Variants in EIF4G1 observed in about 807,000 individuals in gnomAD.
EIF4G1 encodes eukaryotic translation initiation factor 4 gamma 1.
EIF4G1 carries 4 observed loss-of-function variants against 187.8 expected under a neutral mutation model. The ratio of observed to expected loss-of-function variants is 0.02; its 90% CI spans 0.01 to 0.05. The LOEUF is 0.05. EIF4G1 is among the 10% of genes least tolerant of loss of function. EIF4G1 has a pLI of 1.00. For missense variants in EIF4G1, 1,647 were observed against 2,081.1 expected (o/e 0.79, Z 4.06); for synonymous variants, 844 against 781.4 (o/e 1.08, Z -1.34).
chr3:184,325,391 C>G lies in EIF4G1; in HGVS notation c.2961+18C>G. The G allele has an allele frequency of 2.5e-6, 4 of 1,614,130 alleles. No homozygotes were observed. Among genetic ancestry groups the G allele is most frequent in the Non-Finnish European group, 3.4e-6 (4 of 1,179,986 alleles). ...TGCGAGGGGTGTGTGTCCCCCTCCT[C>G]CCCACTGCCAGCCTGCTGCCTCCAG... On this transcript the variant is annotated intron_variant, in intron 19 of 32. Transcript: ENST00000346169. The surrounding 1 kb of genome is among the most constrained non-coding windows in gnomAD (Gnocchi z 5.2).
chr3:184,331,771 G>A lies in EIF4G1; in HGVS notation c.4439G>A (p.Arg1480Gln), dbSNP rs114320039. The A allele has an allele frequency of 5.0e-6, 8 of 1,614,158 alleles. No homozygotes were observed. The highest frequency in any genetic ancestry group is 1.7e-5 in the Admixed American group (1 of 60,030). Reference protein sequence around the residue: ...EQQIVSNTLVRALMTAVCYSA... With the variant: ...EQQIVSNTLVQALMTAVCYSA... ...CAGATAGTATCCAACACGTTAGTTC[G>A]AGCCCTCATGACGGCTGTCTGCTAT... The change falls in exon 31 of 33, where the codon CGA becomes CAA. Residue 1480 changes from arginine (R) to glutamine (Q), a missense_variant. Coordinates refer to ENST00000346169, the MANE Select transcript of EIF4G1 (RefSeq NM_198241.3).
In EIF4G1 at chr3:184,323,325, G is replaced by T; in HGVS notation, c.2089-83G>T. The T allele has an allele frequency of 6.2e-7, 1 of 1,611,568 alleles. No homozygotes were observed. Among genetic ancestry groups the T allele is most frequent in the Admixed American group, 1.7e-5 (1 of 59,926 alleles). ...TCTCAGTGCCCGCGGGGAGGGGTTTGCCCTGGAGGCGTGTAGTAGTGGTGT... is the reference window on the plus strand; with the variant it reads ...TCTCAGTGCCCGCGGGGAGGGGTTTTCCCTGGAGGCGTGTAGTAGTGGTGT... On this transcript the variant is annotated intron_variant, in intron 14 of 32. Coordinates refer to ENST00000346169, the MANE Select transcript of EIF4G1 (RefSeq NM_198241.3). This position sits in a 1 kb window ranked among gnomAD's most constrained non-coding sequence, Gnocchi z 6.9.
In EIF4G1 at chr3:184,327,130, G is replaced by C. The variant is rs575770268; in HGVS notation, c.3429-86G>C. On this transcript the variant is annotated intron_variant, in intron 23 of 32. Coordinates refer to ENST00000346169, the MANE Select transcript of EIF4G1 (RefSeq NM_198241.3). ...GGCATACTCATTATGCTAAGAACAA[G>C]GCCCAACAGTTGCTCAGCATGTTGT... 1.9e-6 allele frequency: 3 copies of C among 1,580,820 alleles called. No homozygotes were observed. In the African/African-American group the frequency reaches 4.0e-5, roughly 21 times the overall value.
intron 16 of EIF4G1, 77 bp from the exon 17 acceptor site, chr3:184,324,124 T>C: frequency 3.7e-6 from 6 of 1,608,454 alleles, no homozygotes; most frequent in Non-Finnish European, 5.1e-6. Context: ...TCTTCCTGGG[T>C]CAGGTAGTTA....
At chr3:184,314,827 C>A (rs1034004373) in intron 1 of EIF4G1, among the ~76,000 whole-genome samples, 153 bp downstream of exon 1, 2 of 149,316 alleles carry the variant, frequency 1.3e-5, no homozygotes, top group Non-Finnish European at 3.0e-5. Context: ...GGGTCCCGAT[C>A]CCCGGCCCAC....
Position 184,317,783 on chromosome 3 carries a change from C to G in EIF4G1, c.391C>G (p.Pro131Ala). The stretch of plus-strand genomic sequence containing the variant: ...GCAGCCAGGAGCCCCAGGCTTCTAT[C>G]CAGGTGCAAGCCCTACAGAATTTGG... ...PVQPGAPGFY[P>A]GASPTEFGTY... is the part of the protein sequence containing the mutation. Residue 131 changes from proline (P) to alanine (A), a missense_variant, in exon 6 of 33, where the codon CCA becomes GCA. Transcript: ENST00000346169. 1 of 1,614,126 alleles carries G rather than the reference C, an allele frequency of 6.2e-7. No homozygotes were observed.
At position 184,325,890 on chromosome 3, in the gene EIF4G1, C is replaced by T; in HGVS notation, c.3161C>T (p.Thr1054Ile). 6.2e-7 allele frequency: 1 copy of T among 1,614,156 alleles called. No individual in the cohort carries two copies. Among genetic ancestry groups the T allele is most frequent in the Non-Finnish European group, 8.5e-7 (1 of 1,180,036 alleles). The stretch of plus-strand genomic sequence containing the variant: ...CTTGTGGATGATGGTGGCTGGAACA[C>T]AGTTCCCATCAGCAAAGGTAGCCGC... ...LPLVDDGGWN[T>I]VPISKGSRPI... is the part of the protein sequence containing the mutation. The change falls in exon 21 of 33, where the codon ACA becomes ATA. Residue 1054 changes from threonine (T) to isoleucine (I), a missense_variant. Thr to Ile is a moderately conservative substitution (Grantham distance 89). Coordinates refer to ENST00000346169, the MANE Select transcript of EIF4G1 (RefSeq NM_198241.3). The surrounding 1 kb of genome is among the most constrained non-coding windows in gnomAD (Gnocchi z 5.2).
intron 9 of EIF4G1, 138 bp downstream of exon 9, chr3:184,321,131 TG>T: frequency 6.7e-7 from 1 of 1,490,380 alleles, no homozygotes; most frequent in Admixed American, 1.9e-5. Context: ...GAGGGTGAAT[TG>T]GGTTTTGGAT....
In EIF4G1 at chr3:184,331,723, T is replaced by C. The variant is rs1373310865; in HGVS notation, c.4396-5T>C. On this transcript the variant is annotated splice_polypyrimidine_tract_variant and splice_region_variant and intron_variant, in intron 30 of 32. Coordinates refer to ENST00000346169, the MANE Select transcript of EIF4G1 (RefSeq NM_198241.3). ...ATCTGGGGATCATTTGTTTCTCCCA[T>C]ACAGGCCAACCTGAGTGAGCAGCAG... The C allele has an allele frequency of 1.9e-6, 3 of 1,614,060 alleles. No individual in the cohort carries two copies. Among genetic ancestry groups the C allele is most frequent in the African/African-American group, 2.7e-5 (2 of 74,922 alleles).
intron 3 of EIF4G1, 64 bp from the exon 4 acceptor site, chr3:184,316,068 C>T (rs1395000920): frequency 3.1e-6 from 5 of 1,605,414 alleles, no homozygotes; most frequent in Non-Finnish European, 2.6e-6. Context: ...CCTTATTTCA[C>T]CAGCTTGGGT....
rs1343665571 is a variant in EIF4G1, at chr3:184,331,975, G to A, written c.4507G>A (p.Val1503Met). Residue 1503 changes from valine (V) to methionine (M), a missense_variant, in exon 32 of 33, where the codon GTG becomes ATG. Val to Met is a conservative substitution (Grantham distance 21, BLOSUM62 1). Around this residue, in one of 11 missense-constraint regions of EIF4G1, gnomAD observed 543 missense variants for 638.0 expected, o/e 0.85. Transcript: ENST00000346169. The stretch of plus-strand genomic sequence containing the variant: ...GACTCCCCTCCGAGTGGACGTTGCA[G>A]TGCTGAAAGCGCGAGCGAAGCTGCT... Reference protein sequence around the residue: ...FETPLRVDVAVLKARAKLLQK... With the variant: ...FETPLRVDVAMLKARAKLLQK... 3.1e-6 allele frequency: 5 copies of A among 1,614,224 alleles called. No homozygotes were observed. The Middle Eastern group carries it at 4.9e-4, about 160-fold the overall frequency.
chr3:184,334,714 C>T lies in EIF4G1; in HGVS notation c.4619-13C>T, dbSNP rs1726818971. On this transcript the variant is annotated splice_polypyrimidine_tract_variant and intron_variant, in intron 32 of 32. Coordinates refer to ENST00000346169, the MANE Select transcript of EIF4G1 (RefSeq NM_198241.3). The surrounding 1 kb of genome is among the most constrained non-coding windows in gnomAD (Gnocchi z 5.8). ...GGCCAGTCACCTCTAACTGCTGTCC[C>T]GCCTGCTTGCAGACCTGCTGCGGAT... is the stretch of plus-strand genomic sequence containing the variant. 6.2e-6 allele frequency: 10 copies of T among 1,614,082 alleles called. No individual in the cohort carries two copies. The highest frequency in any genetic ancestry group is 1.3e-5 in the African/African-American group (1 of 75,034).
At chr3:184,316,645 C>A in intron 4 of EIF4G1, 2 of 1,470,974 alleles carry the variant, frequency 1.4e-6, no homozygotes, top group Non-Finnish European at 9.2e-7. Context: ...GTCTTATTGC[C>A]TTCATTCCCT....
chr3:184,318,719 C>G (rs1173288257), intron 6 of EIF4G1, among the ~76,000 whole-genome samples: 3 of 152,162 alleles, frequency 2.0e-5, no homozygotes, highest in Non-Finnish European at 4.4e-5. Context: ...ATTCTCCTGC[C>G]TCAGCCTCCC....
intron 6 of EIF4G1, 28 bp downstream of exon 6, chr3:184,317,844 GAAC>G: frequency 6.5e-7 from 1 of 1,545,364 alleles, no homozygotes; most frequent in Non-Finnish European, 8.9e-7. Context: ...TCAGAGGTGA[GAAC>G]AAGCCCAAGG....
chr3:184,326,877 C>A lies in EIF4G1; in HGVS notation c.3326-4C>A. The stretch of plus-strand genomic sequence containing the variant: ...ATTTTAATACGGATTTTCTGCATCC[C>A]CAGCATCAGAAGCTGCTCGCCCAGC... On this transcript the variant is annotated splice_region_variant and splice_polypyrimidine_tract_variant and intron_variant, in intron 22 of 32. Coordinates refer to ENST00000346169, the MANE Select transcript of EIF4G1 (RefSeq NM_198241.3). The A allele has an allele frequency of 6.2e-7, 1 of 1,614,160 alleles. No individual in the cohort carries two copies. Among genetic ancestry groups the A allele is most frequent in the Non-Finnish European group, 8.5e-7 (1 of 1,180,018 alleles).
Position 184,322,014 on chromosome 3 carries a change from A to C in EIF4G1, c.1430A>C (p.Glu477Ala). ...GGAGAAGCAGGAGAAGCTGAGAGTG[A>C]GAAAGGAGGAGAGGAACTGCTCCCC... is the stretch of plus-strand genomic sequence containing the variant. The part of the protein sequence containing the change: ...EAGEAGEAES[E>A]KGGEELLPPE... Residue 477 changes from glutamate (E) to alanine (A), a missense_variant, in exon 10 of 33, where the codon GAG becomes GCG. Glu to Ala is a moderately radical substitution (Grantham distance 107). Around this residue, in one of 11 missense-constraint regions of EIF4G1, gnomAD observed 522 missense variants for 485.2 expected, o/e 1.08. Coordinates refer to ENST00000346169, the MANE Select transcript of EIF4G1 (RefSeq NM_198241.3). 6.2e-7 allele frequency: 1 copy of C among 1,614,096 alleles called. No individual in the cohort carries two copies. The highest frequency in any genetic ancestry group is 8.5e-7 in the Non-Finnish European group (1 of 1,180,030).
Position 184,327,720 on chromosome 3 carries a change from G to A in EIF4G1, c.3780+16G>A, listed in dbSNP as rs368924404. 8.7e-6 allele frequency: 14 copies of A among 1,613,680 alleles called. No homozygotes were observed. Among genetic ancestry groups the A allele is most frequent in the South Asian group, 4.4e-5 (4 of 91,078 alleles). On this transcript the variant is annotated intron_variant, in intron 25 of 32. Transcript: ENST00000346169. ...TGACATGAAAGTAGGCAGTGGGAGC[G>A]GCGTGTGATTGAGGAGTGGGCAGGG...
Position 184,331,619 on chromosome 3 carries a change from T to G in EIF4G1, c.4395+13T>G. 1.3e-6 allele frequency: 2 copies of G among 1,586,338 alleles called. No homozygotes were observed. Among genetic ancestry groups the G allele is most frequent in the Non-Finnish European group, 1.7e-6 (2 of 1,176,424 alleles). ...CGACTGGATAGAGGTAGGTTTCTCCTGGATATCGATAAAGGAAAGGTAGTT... is the reference window on the plus strand; with the variant it reads ...CGACTGGATAGAGGTAGGTTTCTCCGGGATATCGATAAAGGAAAGGTAGTT... On this transcript the variant is annotated intron_variant, in intron 30 of 32. Transcript: ENST00000346169.
Sources: allele counts gnomAD v4.1 joint callset (sites outside exome capture counted in the v4.1 genomes callset), GRCh38; gene constraint gnomAD v4.1.1; regional missense constraint gnomAD v4.1.1; non-coding constraint Gnocchi (gnomAD v3.1); transcripts MANE v1.5; gene names NCBI Gene and HGNC (gene_info 2026-07-23, HGNC 2026-07-21).